B4GALT5: variants seen among roughly 807,000 people sequenced by gnomAD.
B4GALT5 encodes UDP-Gal:beta-GlcNAc beta-1,4-galactosyltransferase 5.
Under a neutral mutation model 45.0 loss-of-function variants are expected in B4GALT5, and 11 were observed. The ratio of observed to expected loss-of-function variants is 0.24; its 90% confidence interval spans 0.15 to 0.40. B4GALT5 has a LOEUF of 0.40. Ranked by LOEUF, B4GALT5 falls within the 10% of genes least tolerant of loss-of-function variation. B4GALT5 has a pLI of 1.00. For synonymous variants in B4GALT5, 185 were observed against 182.9 expected (o/e 1.01, Z -0.09); for missense variants, 337 against 500.2 (o/e 0.67, Z 3.11).
rs148657276 is a variant in B4GALT5 at position 49,653,328 on chromosome 20, A to G, written c.250+3240T>C. On this transcript the variant is annotated intron_variant, in intron 2 of 8. Coordinates refer to ENST00000371711, the MANE Select transcript of B4GALT5 (RefSeq NM_004776.4). ...GATGCTCAACCTGTACTTACTCGCC[A>G]AAGATGTGCCAGTGACACAGCAGCT... Among the ~76,000 whole-genome samples, 177 of 152,328 alleles carry G rather than the reference A, an allele frequency of 1.2e-3. 1 individual carries two copies. Among genetic ancestry groups the G allele is most frequent in the African/African-American group, 4.0e-3 (165 of 41,584 alleles).
rs1276868313 is a variant in B4GALT5 at position 49,633,053 on chromosome 20, G to GA, written c.*3258dup. On this transcript the variant is annotated 3_prime_UTR_variant, in exon 9 of 9. Coordinates refer to ENST00000371711, the MANE Select transcript of B4GALT5 (RefSeq NM_004776.4). ...TGTAATGACAAAGGACTATTTTTGT[G>GA]AAAAGTGTTTTTTAAAACATCTTTA... 2 of 152,626 alleles carry GA rather than the reference G, an allele frequency of 1.3e-5. No homozygotes were observed. Among genetic ancestry groups the GA allele is most frequent in the East Asian group, 3.8e-4 (2 of 5,198 alleles). The allele number at this position is 152,626 out of a possible 1,614,324, so 9.5% of individuals were successfully genotyped here.
rs1423878792 is a variant in B4GALT5 at position 49,633,160 on chromosome 20, A to G, written c.*3152T>C. ...AAACACGTAGTGATGGAAATAAGCTAGCTACGCTCAATGCCATCGTCAATG... is the reference window on the plus strand; with the variant it reads ...AAACACGTAGTGATGGAAATAAGCTGGCTACGCTCAATGCCATCGTCAATG... On this transcript the variant is annotated 3_prime_UTR_variant, in exon 9 of 9. Coordinates refer to ENST00000371711, the MANE Select transcript of B4GALT5 (RefSeq NM_004776.4). The G allele has an allele frequency of 1.3e-5, 2 of 152,684 alleles. No individual in the cohort carries two copies. The highest frequency in any genetic ancestry group is 2.9e-5 in the Non-Finnish European group (2 of 68,054). The allele number at this position is 152,684 out of a possible 1,614,324, so 9.5% of individuals were successfully genotyped here.
intron 1 of B4GALT5, among the ~76,000 whole-genome samples, chr20:49,705,074 C>A (rs1568736171): frequency 6.6e-6 from 1 of 152,058 alleles, no homozygotes; most frequent in African/African-American, 2.4e-5. Context: ...TGGGAAAACA[C>A]TGAATTCATG....
rs199658998 is a variant in B4GALT5 at position 49,685,924 on chromosome 20, C to CAA, written c.115+27650_115+27651dup. On this transcript the variant is annotated intron_variant, in intron 1 of 8. Coordinates refer to ENST00000371711, the MANE Select transcript of B4GALT5 (RefSeq NM_004776.4). ...AAAAGCTTGCTAAGAGATAAATGTG[C>CAA]AAAAAAAAAAAAAAAGTAGTATTTG... Among the ~76,000 whole-genome samples, 528 of 120,222 alleles carry CAA rather than the reference C, an allele frequency of 4.4e-3. 2 individuals carry two copies. Among genetic ancestry groups the CAA allele is most frequent in the African/African-American group, 0.015 (496 of 33,026 alleles). The allele number at this position is 120,222 out of a possible 152,430, so 78.9% of individuals were successfully genotyped here.
chr20:49,648,379 G>T (rs754655269), intron 2 of B4GALT5, among the ~76,000 whole-genome samples: 7 of 152,176 alleles, frequency 4.6e-5, no homozygotes, highest in Non-Finnish European at 8.8e-5. Context: ...TAAGTCTCCA[G>T]CTCTTGCCAG....
Position 49,636,395 on chromosome 20 carries a change from A to G in B4GALT5, c.1084T>C (p.Phe362Leu), listed in dbSNP as rs770567737. ...GLDGLNNLNY[F>L]ANITYDALYK... ...AAGGCGTCGTATGTGATGTTTGCAA[A>G]GTAGTTCAGGTTGTTGAGGCCATCC... Residue 362 changes from phenylalanine to leucine, a missense_variant, in exon 9 of 9, where the codon TTT (phenylalanine) becomes CTT (leucine). Around this residue, in one of 2 missense-constraint regions of B4GALT5, gnomAD observed 163 missense variants for 292.8 expected, o/e 0.56. Coordinates refer to ENST00000371711, the MANE Select transcript of B4GALT5 (RefSeq NM_004776.4). 3.1e-6 allele frequency: 5 copies of G among 1,614,004 alleles called. No individual in the cohort carries two copies. Among genetic ancestry groups the G allele is most frequent in the Non-Finnish European group, 4.2e-6 (5 of 1,180,008 alleles).
At chr20:49,642,966 A>G (rs2085583118) in intron 4 of B4GALT5, among the ~76,000 whole-genome samples, 1 of 152,254 alleles carries the variant, frequency 6.6e-6, no homozygotes, top group Admixed American at 6.5e-5. Flanking sequence ...TTTATTTCCC[A>G]GCGATGGGCT....
chr20:49,661,693 T>C (rs1465557638), intron 1 of B4GALT5, among the ~76,000 whole-genome samples: 3 of 152,222 alleles, frequency 2.0e-5, no homozygotes, highest in Non-Finnish European at 4.4e-5. Context: ...TGTGTGCTTT[T>C]CAGGCACCGT....
At chr20:49,683,385 A>ATTTTTTTTTTTTTTTTTTTTTTTTTTTT (rs66503719) in intron 1 of B4GALT5, among the ~76,000 whole-genome samples, 2 of 96,630 alleles carry the variant, frequency 2.1e-5, no homozygotes, top group African/African-American at 4.1e-5. Context: ...ACAGGTTTAA[A>ATTTTTTTTTTTTTTTTTTTTTTTTTTTT]TTTTTTTTTT....
intron 8 of B4GALT5, 104 bp downstream of exon 8, chr20:49,637,237 G>T: frequency 1.0e-6 from 1 of 976,662 alleles, no homozygotes; most frequent in Non-Finnish European, 1.6e-6. Flanking sequence ...TCAGAACAGG[G>T]CCTCGGGGTG....
intron 1 of B4GALT5, among the ~76,000 whole-genome samples, chr20:49,692,384 C>G (rs1189054515): frequency 6.6e-6 from 1 of 152,002 alleles, no homozygotes; most frequent in Non-Finnish European, 1.5e-5. Flanking sequence ...GGAGGATCAC[C>G]TGAGCCCAGG....
chr20:49,642,786 C>T (rs967250723), intron 4 of B4GALT5, among the ~76,000 whole-genome samples: 4 of 152,206 alleles, frequency 2.6e-5, no homozygotes, highest in African/African-American at 9.7e-5. Flanking sequence ...TATACCATAT[C>T]TTATAGTACA....
At chr20:49,654,948 A>G (rs1213257553) in intron 2 of B4GALT5, among the ~76,000 whole-genome samples, 1 of 152,124 alleles carries the variant, frequency 6.6e-6, no homozygotes, top group Non-Finnish European at 1.5e-5. Context: ...TCTACAAAAA[A>G]TACAAAAATT....
chr20:49,704,491 G>A (rs1179608037), intron 1 of B4GALT5, among the ~76,000 whole-genome samples: 2 of 151,794 alleles, frequency 1.3e-5, no homozygotes, highest in Non-Finnish European at 1.5e-5. Context: ...AGGCCGAGGT[G>A]GGCGGATCAC....
chr20:49,641,580 T>C (rs1034176232), intron 5 of B4GALT5, among the ~76,000 whole-genome samples: 3 of 152,172 alleles, frequency 2.0e-5, no homozygotes, highest in African/African-American at 7.2e-5. Context: ...ACCGTTAGCA[T>C]TTCCCAGATG....
intron 1 of B4GALT5, among the ~76,000 whole-genome samples, chr20:49,692,797 T>C (rs2085820486): frequency 6.6e-6 from 1 of 152,208 alleles, no homozygotes; most frequent in Non-Finnish European, 1.5e-5. Context: ...TAAGTTCAAT[T>C]ATGTTTTTGA....
chr20:49,666,523 T>G (rs2085691470), intron 1 of B4GALT5, among the ~76,000 whole-genome samples: 1 of 152,196 alleles, frequency 6.6e-6, no homozygotes. Flanking sequence ...GTTCTACCTC[T>G]TTAGCATGTC....
intron 1 of B4GALT5, among the ~76,000 whole-genome samples, chr20:49,684,065 C>T (rs1568729420): frequency 6.6e-6 from 1 of 151,932 alleles, no homozygotes. Flanking sequence ...CGCTTGAACC[C>T]AGGAGGTGGA....
intron 1 of B4GALT5, among the ~76,000 whole-genome samples, chr20:49,671,168 C>T (rs1422757391): frequency 6.6e-6 from 1 of 152,164 alleles, no homozygotes; most frequent in Non-Finnish European, 1.5e-5. Context: ...CACCTGAGGT[C>T]AGGAGTTCAA....
Sources: allele counts gnomAD v4.1 joint callset (sites outside exome capture counted in the v4.1 genomes callset), GRCh38; gene constraint gnomAD v4.1.1; regional missense constraint gnomAD v4.1.1; transcripts MANE v1.5; gene names NCBI Gene and HGNC (gene_info 2026-07-23, HGNC 2026-07-21).